Variants in GNE observed in about 807,000 individuals in gnomAD.
The protein encoded by GNE is glucosamine (UDP-N-acetyl)-2-epimerase/N-acetylmannosamine kinase.
In GNE, 41 loss-of-function variants were observed where a neutral mutation model predicts 61.8. That is an observed-to-expected ratio of 0.66 (90% CI 0.52 to 0.86). The LOEUF (loss-of-function observed/expected upper bound fraction) is 0.86. GNE is among the 40% of genes least tolerant of loss of function. The probability of loss-of-function intolerance (pLI) is 0.00; values close to 1 mark genes in which losing one functional copy is unlikely to be tolerated. For missense variants in GNE, 608 were observed against 909.1 expected, an observed-to-expected ratio of 0.67 and a Z score of 4.26; for synonymous variants, 264 against 326.4, an observed-to-expected ratio of 0.81 and a Z score of 2.06.
chr9:36,276,947 C>G (rs368762704), exon 1 of GNE: 8 of 1,613,072 alleles, frequency 5.0e-6, no homozygotes, highest in Non-Finnish European at 6.8e-6. Flanking sequence ...GTTTCCATCC[C>G]GAAGCACGAG....
At position 36,234,085 on chromosome 9, in the gene GNE, G is replaced by C; in HGVS notation, c.817C>G (p.His273Asp). The C allele has an allele frequency of 6.2e-7, 1 of 1,614,066 alleles. No homozygotes were observed. Among genetic ancestry groups the C allele is most frequent in the Non-Finnish European group, 8.5e-7 (1 of 1,179,932 alleles). Reference sequence around the variant, plus strand: ...TGTTTAACTGCACGAAAGTTGGGATGATGCTCAATGCCCTTCTTCCGCATC... The same window carrying C: ...TGTTTAACTGCACGAAAGTTGGGATCATGCTCAATGCCCTTCTTCCGCATC... ...RVMRKKGIEH[H>D]PNFRAVKHVP... Residue 273 changes from histidine (H) to aspartate (D), a missense_variant, in exon 5 of 12, where the codon CAT becomes GAT. His to Asp is a moderately conservative substitution (Grantham distance 81). Transcript: ENST00000642385.
intron 3 of GNE, among the ~76,000 whole-genome samples, chr9:36,245,149 AGCCACTCGG>A (rs1283322126): frequency 1.3e-5 from 2 of 151,108 alleles, no homozygotes; most frequent in Non-Finnish European, 2.9e-5. Flanking sequence ...TAGTAATCCC[AGCCACTCGG>A]GAGGTTGAGG....
In GNE at chr9:36,249,386, AAAATAGAG is replaced by A. The variant is rs2133126724; in HGVS notation, c.-39_-32del. The A allele has an allele frequency of 6.2e-7, 1 of 1,607,818 alleles. No individual in the cohort carries two copies. Among genetic ancestry groups the A allele is most frequent in the Non-Finnish European group, 8.5e-7 (1 of 1,175,214 alleles). On this transcript the variant is annotated 5_prime_UTR_variant, in exon 2 of 12. Transcript: ENST00000642385. ...GCTTGTTTCGTTTTGAGAGGTTCTT[AAAATAGAG>A]TTCCTGAAATTGCCAAAATAAAAAC... is the stretch of plus-strand genomic sequence containing the variant.
chr9:36,219,739 G>A, intron 10 of GNE, 99 bp downstream of exon 10: 1 of 1,089,980 alleles, frequency 9.2e-7, no homozygotes, highest in Non-Finnish European at 1.4e-6. Context: ...TGAAAAGGGG[G>A]AAACTTCTGG....
At chr9:36,265,502 G>A in intron 1 of GNE, 1 of 456,614 alleles carries the variant, frequency 2.2e-6, no homozygotes, top group Non-Finnish European at 4.4e-6. Flanking sequence ...TCAACAAGAG[G>A]TGGAATAAAC....
Position 36,222,839 on chromosome 9 carries a change from G to A in GNE, c.1571C>T (p.Ala524Val), listed in dbSNP as rs764698870. 38 of 1,613,850 alleles carry A rather than the reference G, an allele frequency of 2.4e-5. No individual in the cohort carries two copies. Among genetic ancestry groups the A allele is most frequent in the Admixed American group, 1.0e-4 (6 of 59,976 alleles). The change falls in exon 9 of 12, where the codon GCG becomes GTG. Residue 524 changes from alanine to valine, a missense_variant. Ala to Val is a moderately conservative substitution (Grantham distance 64). Coordinates refer to ENST00000642385, the MANE Select transcript of GNE (RefSeq NM_005476.7). Reference sequence around the variant, plus strand: ...CTTTCCTTGGCCAAATTTCCTTTCCGCCAGGGCAGCACAGTTGCCATCATT... The same window carrying A: ...CTTTCCTTGGCCAAATTTCCTTTCCACCAGGGCAGCACAGTTGCCATCATT... ...VDNDGNCAALAERKFGQGKGL... is the reference protein window; with the variant it reads ...VDNDGNCAALVERKFGQGKGL...
At chr9:36,223,578 A>G in intron 7 of GNE, 76 bp from the exon 8 acceptor site, 1 of 1,471,296 alleles carries the variant, frequency 6.8e-7, no homozygotes, top group East Asian at 2.3e-5. Flanking sequence ...GATCTTTTTC[A>G]TGACAAATTA....
chr9:36,261,422 G>A (rs185976621), upstream of GNE, among the ~76,000 whole-genome samples: 4 of 151,980 alleles, frequency 2.6e-5, no homozygotes, highest in Admixed American at 6.6e-5. Flanking sequence ...GGATGGTGGC[G>A]CACGCCTGTA....
intron 3 of GNE, among the ~76,000 whole-genome samples, chr9:36,245,582 G>A (rs1829837754): frequency 6.6e-6 from 1 of 152,028 alleles, no homozygotes; most frequent in South Asian, 2.1e-4. Flanking sequence ...GCTGAGGCAG[G>A]AGCATCACTT....
At chr9:36,260,210 G>C (rs965728841), upstream of GNE, among the ~76,000 whole-genome samples, 1 of 150,754 alleles carries the variant, frequency 6.6e-6, no homozygotes, top group African/African-American at 2.4e-5. Context: ...GTGCTCAGGA[G>C]TTCCAGGCAA....
intron 3 of GNE, among the ~76,000 whole-genome samples, chr9:36,242,712 C>G (rs1829691104): frequency 6.9e-6 from 1 of 144,132 alleles, no homozygotes; most frequent in Admixed American, 7.1e-5. Context: ...GCCACCGCAT[C>G]TGGCCTGGGT....
intron 1 of GNE, chr9:36,265,291 T>G: frequency 2.3e-6 from 1 of 428,978 alleles, no homozygotes; most frequent in Non-Finnish European, 4.7e-6. Flanking sequence ...TTGGAATCCG[T>G]GGGGCCAAGA....
chr9:36,229,599 T>G (rs7036926), intron 5 of GNE, among the ~76,000 whole-genome samples: 121,010 of 152,130 alleles, frequency 0.8, 48,735 homozygotes, highest in African/African-American at 0.85. Flanking sequence ...ACGAGTAACA[T>G]CTGGAGAGAG....
intron 9 of GNE, among the ~76,000 whole-genome samples, chr9:36,222,406 G>A (rs1480031248): frequency 5.4e-5 from 7 of 130,204 alleles, no homozygotes; most frequent in Admixed American, 1.7e-4. Context: ...GCGACAGAGC[G>A]AGACTCCGTC....
chr9:36,272,457 T>TA (rs1831062674), intron 1 of GNE, among the ~76,000 whole-genome samples: 1 of 151,544 alleles, frequency 6.6e-6, no homozygotes, highest in South Asian at 2.1e-4. Flanking sequence ...CTGTCTCTAC[T>TA]AAAAATACAA....
At chr9:36,230,403 C>A (rs1184725589) in intron 5 of GNE, among the ~76,000 whole-genome samples, 5 of 152,142 alleles carry the variant, frequency 3.3e-5, no homozygotes, top group Non-Finnish European at 7.4e-5. Context: ...TTCACCAGAA[C>A]TCTAAAGATT....
intron 5 of GNE, among the ~76,000 whole-genome samples, chr9:36,231,905 T>C (rs1432981956): frequency 2.0e-5 from 3 of 152,178 alleles, no homozygotes; most frequent in Non-Finnish European, 2.9e-5. Context: ...AAACTTCACA[T>C]AGCTATAAGA....
At chr9:36,271,847 T>G (rs1000660522) in intron 1 of GNE, among the ~76,000 whole-genome samples, 3 of 152,202 alleles carry the variant, frequency 2.0e-5, no homozygotes, top group African/African-American at 7.2e-5. Flanking sequence ...ATAAATTCCT[T>G]GAAGTTAGCC....
At chr9:36,252,448 G>T (rs1830144468) in intron 1 of GNE, among the ~76,000 whole-genome samples, 1 of 152,042 alleles carries the variant, frequency 6.6e-6, no homozygotes, top group African/African-American at 2.4e-5. Flanking sequence ...TTGTCAATTT[G>T]TATTTATTTT....
Sources: gnomAD v4.1 joint callset for allele counts (sites outside exome capture counted in the v4.1 genomes callset) on GRCh38, gnomAD v4.1.1 for gene constraint, MANE v1.5 for transcripts, NCBI Gene and HGNC (gene_info 2026-07-23, HGNC 2026-07-21) for gene names.